TRPM3: variants seen among roughly 807,000 people sequenced by gnomAD.
TRPM3 encodes long transient receptor potential channel 3.
A neutral mutation model predicts 181.2 loss-of-function variants in TRPM3; 77 were observed. The observed-to-expected ratio is 0.42, with a 90% CI of 0.35 to 0.51. TRPM3 has a LOEUF of 0.51. Ranked by LOEUF, TRPM3 falls within the 20% of genes least tolerant of loss-of-function variation. The pLI, the probability that TRPM3 is intolerant of heterozygous loss-of-function variation, is 0.01. For missense variants in TRPM3, 1,759 were observed against 2,196.7 expected, an observed-to-expected ratio of 0.80 and a Z score of 3.98; for synonymous variants, 745 against 796.4, an observed-to-expected ratio of 0.94 and a Z score of 1.09.
At chr9:70,848,966 G>C (rs1315318403) in intron 3 of TRPM3, among the ~76,000 whole-genome samples, 1 of 18,436 alleles carries the variant, frequency 5.4e-5, no homozygotes, top group Non-Finnish European at 1.0e-4. Context: ...GACAGAGCGA[G>C]ACTCCGTCTC....
intron 1 of TRPM3, among the ~76,000 whole-genome samples, chr9:70,871,156 G>T (rs540155416): frequency 6.6e-6 from 1 of 152,020 alleles, no homozygotes; most frequent in Non-Finnish European, 1.5e-5. Flanking sequence ...GAGAAGGTGG[G>T]AGCTGAGTGG....
intron 1 of TRPM3, among the ~76,000 whole-genome samples, chr9:71,371,250 T>C (rs1411439565): frequency 1.3e-5 from 2 of 152,164 alleles, no homozygotes; most frequent in Non-Finnish European, 2.9e-5. Context: ...AAGGAATACA[T>C]TTTTTAGGTC....
At chr9:70,813,458 G>T (rs1164877481) in intron 6 of TRPM3, among the ~76,000 whole-genome samples, 2 of 152,058 alleles carry the variant, frequency 1.3e-5, no homozygotes, top group Admixed American at 1.3e-4. Context: ...ATAAGTGGGG[G>T]CTAAATCTTG....
chr9:71,390,034 CAT>C (rs1172689561), intron 1 of TRPM3, among the ~76,000 whole-genome samples: 19 of 152,046 alleles, frequency 1.2e-4, no homozygotes, highest in South Asian at 4.1e-4. Flanking sequence ...TAGAAGCACA[CAT>C]GTGTGCACAC....
chr9:71,137,500 T>C (rs1331606227), intron 1 of TRPM3, among the ~76,000 whole-genome samples: 4 of 152,234 alleles, frequency 2.6e-5, no homozygotes, highest in South Asian at 2.1e-4. Context: ...AGTGGGGTTA[T>C]AGATCATCTA....
chr9:71,352,724 A>G (rs1484896835), intron 1 of TRPM3, among the ~76,000 whole-genome samples: 2 of 152,172 alleles, frequency 1.3e-5, no homozygotes, highest in Non-Finnish European at 2.9e-5. Context: ...TATCTCTTCC[A>G]GTTGTTTCCC....
chr9:71,111,806 T>G (rs1356453189), intron 1 of TRPM3, among the ~76,000 whole-genome samples: 3 of 152,226 alleles, frequency 2.0e-5, no homozygotes, highest in Admixed American at 6.5e-5. Flanking sequence ...TCACAGAGAT[T>G]ATGCCAGCAA....
chr9:71,411,744 C>A (rs1208893909), intron 1 of TRPM3, among the ~76,000 whole-genome samples: 2 of 152,184 alleles, frequency 1.3e-5, no homozygotes, highest in African/African-American at 2.4e-5. Flanking sequence ...TTGGAAAAAA[C>A]TACTTTGAAT....
chr9:71,405,164 T>C (rs2093413892), intron 1 of TRPM3, among the ~76,000 whole-genome samples: 2 of 152,232 alleles, frequency 1.3e-5, no homozygotes, highest in Admixed American at 6.5e-5. Context: ...AACTGGTAAG[T>C]AAAATGATAA....
intron 4 of TRPM3, among the ~76,000 whole-genome samples, chr9:70,844,582 T>C (rs2094870289): frequency 6.6e-6 from 1 of 152,174 alleles, no homozygotes; most frequent in Non-Finnish European, 1.5e-5. Flanking sequence ...GGACAAGAAG[T>C]TTAACGTTAT....
At chr9:71,005,809 G>T (rs147132381) in intron 1 of TRPM3, among the ~76,000 whole-genome samples, 1 of 151,966 alleles carries the variant, frequency 6.6e-6, no homozygotes, top group African/African-American at 2.4e-5. Flanking sequence ...GATACAAATG[G>T]GTAACACAAA....
intron 1 of TRPM3, among the ~76,000 whole-genome samples, chr9:71,429,519 A>T (rs1305518267): frequency 6.6e-6 from 1 of 152,224 alleles, no homozygotes; most frequent in Non-Finnish European, 1.5e-5. Flanking sequence ...TATCACTAAC[A>T]TTCTCATGTC....
intron 1 of TRPM3, among the ~76,000 whole-genome samples, chr9:71,159,939 A>G (rs2076196617): frequency 6.6e-6 from 1 of 152,124 alleles, no homozygotes; most frequent in Admixed American, 6.6e-5. Flanking sequence ...GTTTGGAGAA[A>G]TTGTTGGCAG....
intron 1 of TRPM3, among the ~76,000 whole-genome samples, chr9:71,099,121 C>T (rs562600492): frequency 5.3e-5 from 8 of 152,146 alleles, no homozygotes; most frequent in African/African-American, 1.7e-4. Context: ...TTATTTCTCA[C>T]GTTTCTGAAG....
intron 1 of TRPM3, among the ~76,000 whole-genome samples, chr9:71,411,254 G>A (rs147212793): frequency 2.0e-5 from 3 of 152,320 alleles, no homozygotes; most frequent in Non-Finnish European, 4.4e-5. Flanking sequence ...TCTGGCCAGG[G>A]CCATCAGACA....
At chr9:70,737,706 C>T (rs1349614202) in intron 8 of TRPM3, among the ~76,000 whole-genome samples, 4 of 148,990 alleles carry the variant, frequency 2.7e-5, no homozygotes, top group Non-Finnish European at 4.5e-5. Context: ...ACACCAAAAG[C>T]GACAAGGAAT....
rs532450583 is a variant in TRPM3, at chr9:71,411,006, T to C, written c.183+35647A>G. Among the ~76,000 whole-genome samples the C allele has an allele frequency of 3.9e-5, 6 of 152,266 alleles. No homozygotes were observed. The South Asian group carries it at 1.2e-3, about 32-fold the overall frequency. On this transcript the variant is annotated intron_variant, in intron 1 of 24. Coordinates refer to the TRPM3 transcript ENST00000357533. Reference sequence around the variant, plus strand: ...AACAGAACCAAAGACAAAAACCACATGATTATCTCAATAGATGTAGAAAAG... The same window carrying C: ...AACAGAACCAAAGACAAAAACCACACGATTATCTCAATAGATGTAGAAAAG...
intron 1 of TRPM3, among the ~76,000 whole-genome samples, chr9:71,341,592 TAGG>T (rs2090964088): frequency 6.6e-6 from 1 of 150,984 alleles, no homozygotes; most frequent in South Asian, 2.1e-4. Context: ...GAATGCTCAA[TAGG>T]AGAAGGGTAA....
intron 1 of TRPM3, among the ~76,000 whole-genome samples, chr9:70,962,236 G>C (rs2133831074): frequency 6.6e-6 from 1 of 152,216 alleles, no homozygotes; most frequent in Non-Finnish European, 1.5e-5. Flanking sequence ...AAGGTTATAG[G>C]GGAGAGTGTC....
Sources: gnomAD v4.1 joint callset for allele counts (sites outside exome capture counted in the v4.1 genomes callset) on GRCh38, gnomAD v4.1.1 for gene constraint, MANE v1.5 for transcripts, NCBI Gene and HGNC (gene_info 2026-07-23, HGNC 2026-07-21) for gene names.